The following CCDC157 variants were observed in gnomAD, a reference collection of about 807,000 sequenced individuals.
CCDC157 encodes coiled-coil domain-containing protein 157.
CCDC157 carries 60 observed loss-of-function variants against 70.9 expected under a neutral mutation model. The ratio of observed to expected loss-of-function variants is 0.85; its 90% CI spans 0.69 to 1.05. CCDC157 has a LOEUF of 1.05. CCDC157 is among the 50% of genes least tolerant of loss of function. The pLI, the probability that CCDC157 is intolerant of heterozygous loss-of-function variation, is 0.00. For missense variants in CCDC157, 943 were observed against 984.2 expected (o/e 0.96, Z 0.56); for synonymous variants, 373 against 422.4 (o/e 0.88, Z 1.43).
At chr22:30,372,002 G>A in intron 6 of CCDC157, 73 bp from the exon 7 acceptor site, 5 of 1,026,018 alleles carry the variant, frequency 4.9e-6, no homozygotes, top group Non-Finnish European at 5.7e-6. Flanking sequence ...TGGGATGTGA[G>A]CTCCCGTCCT....
chr22:30,356,645 T>G (rs1332831747), upstream of CCDC157: 1 of 1,101,978 alleles, frequency 9.1e-7, no homozygotes, highest in African/African-American at 1.6e-5. Context: ...AAGCCCTTCA[T>G]AGCGGCCGGC....
intron 2 of CCDC157, among the ~76,000 whole-genome samples, chr22:30,363,603 A>G (rs1384907922): frequency 6.6e-6 from 1 of 152,048 alleles, no homozygotes; most frequent in African/African-American, 2.4e-5. Flanking sequence ...CTAGTGTTCA[A>G]TAGATCAGTA....
intron 9 of CCDC157, chr22:30,374,477 G>A (rs537024524): frequency 2.1e-6 from 1 of 471,112 alleles, no homozygotes; most frequent in Admixed American, 2.3e-5. Flanking sequence ...TAGTCCCAAG[G>A]ACACAGCCTC....
At chr22:30,367,352 C>T (rs1311492902) in intron 3 of CCDC157, among the ~76,000 whole-genome samples, 1 of 151,890 alleles carries the variant, frequency 6.6e-6, no homozygotes, top group Non-Finnish European at 1.5e-5. Flanking sequence ...TCTCCTGCTT[C>T]AGCCTCCAAA....
intron 4 of CCDC157, 96 bp from the exon 5 acceptor site, chr22:30,370,230 G>A: frequency 1.5e-6 from 2 of 1,343,886 alleles, no homozygotes; most frequent in South Asian, 1.3e-5. Context: ...GTCAGGCAAG[G>A]CTGTCACACT....
chr22:30,356,899 G>A, upstream of CCDC157: 3 of 1,037,854 alleles, frequency 2.9e-6, no homozygotes, highest in Middle Eastern at 3.5e-4. Context: ...GATGGCGGCG[G>A]CCGAGCGAGT....
Position 30,376,418 on chromosome 22 carries a change from C to A in CCDC157, c.1947-15C>A, listed in dbSNP as rs1397029803. On this transcript the variant is annotated splice_polypyrimidine_tract_variant and intron_variant, in intron 11 of 11. Transcript: ENST00000338306. ...CCTGCATTCACAGGGGATCTTGGAT[C>A]TGGTTTTCCTTCAGGCCTCTGGGCA... is the stretch of plus-strand genomic sequence containing the variant. 1 of 1,613,838 alleles carries A rather than the reference C, an allele frequency of 6.2e-7. No homozygotes were observed. Among genetic ancestry groups the A allele is most frequent in the Non-Finnish European group, 8.5e-7 (1 of 1,179,852 alleles).
At chr22:30,357,380 C>G (rs1436414647) in intron 1 of CCDC157, among the ~76,000 whole-genome samples, 3 of 152,246 alleles carry the variant, frequency 2.0e-5, no homozygotes, top group Non-Finnish European at 4.4e-5. Context: ...AAATCCTACG[C>G]CCTTAATTCG....
chr22:30,372,454 CACTGGGGGAACAGTGACCCAGGG>C (rs1186746809), intron 7 of CCDC157, 168 bp downstream of exon 7: 7 of 979,442 alleles, frequency 7.1e-6, no homozygotes, highest in Non-Finnish European at 1.0e-5. Flanking sequence ...CTGAACCAGG[CACTGGGGGAACAGTGACCCAGGG>C]ACTGATACTG....
intron 1 of CCDC157, among the ~76,000 whole-genome samples, chr22:30,359,977 T>C (rs1932216267): frequency 6.6e-6 from 1 of 152,058 alleles, no homozygotes; most frequent in Non-Finnish European, 1.5e-5. Flanking sequence ...AGTCTCTGTC[T>C]TTACAAAAAA....
At chr22:30,371,319 C>G in intron 5 of CCDC157, 1 of 496,020 alleles carries the variant, frequency 2.0e-6, no homozygotes, top group South Asian at 2.6e-5. Flanking sequence ...GTGGCAAAAG[C>G]CATTAGAGAC....
In CCDC157 at chr22:30,373,718, T is replaced by G. The variant is rs1772586089; in HGVS notation, c.1457T>G (p.Leu486Arg). 1.3e-6 allele frequency: 2 copies of G among 1,553,382 alleles called. No homozygotes were observed. The highest frequency in any genetic ancestry group is 1.9e-5 in the Admixed American group (1 of 51,334). The change falls in exon 8 of 12, where the codon CTG becomes CGG. Residue 486 changes from leucine (L) to arginine (R), a missense_variant. Physicochemically the swap from Leu to Arg is moderately radical, Grantham distance 102. Transcript: ENST00000338306. ...EAQRARVEEQLQSEREQGQCQ... is the reference protein window; with the variant it reads ...EAQRARVEEQRQSEREQGQCQ... ...CAGCGGGCCCGCGTGGAGGAGCAGC[T>G]GCAGAGCGAGCGGGAGCAGGGGCAA...
At chr22:30,365,891 C>A in intron 2 of CCDC157, 99 bp from the exon 3 acceptor site, 2 of 1,203,516 alleles carry the variant, frequency 1.7e-6, no homozygotes, top group Non-Finnish European at 2.3e-6. Flanking sequence ...GGGTGAACTT[C>A]CGGCCTAGCA....
At chr22:30,367,654 C>G (rs972391789) in intron 3 of CCDC157, among the ~76,000 whole-genome samples, 1 of 151,032 alleles carries the variant, frequency 6.6e-6, no homozygotes, top group African/African-American at 2.4e-5. Flanking sequence ...GCCTGGGCAA[C>G]AGAGCAAGCC....
At chr22:30,373,323 G>A in intron 7 of CCDC157, 1 of 477,212 alleles carries the variant, frequency 2.1e-6, no homozygotes, top group Non-Finnish European at 3.8e-6. Context: ...AGGAAGTGGG[G>A]GTGAGACCCC....
rs138845686 is a variant in CCDC157, at chr22:30,361,616, T to C, written c.-165-345T>C. Among the ~76,000 whole-genome samples the C allele has an allele frequency of 2.2e-4, 33 of 152,338 alleles. No homozygotes were observed. In the East Asian group the frequency reaches 6.4e-3, roughly 29 times the overall value. On this transcript the variant is annotated intron_variant, in intron 1 of 11. Transcript: ENST00000338306. ...TGTGTGGCTTATAGTATATTTCTTT[T>C]GGACACTGCTGCTCTAGAAGGACAG...
chr22:30,356,765 G>C, upstream of CCDC157: 1 of 1,471,580 alleles, frequency 6.8e-7, no homozygotes, highest in Non-Finnish European at 9.0e-7. Context: ...GGCGGCGGGG[G>C]CACCGCCTGC....
At chr22:30,372,522 A>G in intron 7 of CCDC157, 1 of 485,648 alleles carries the variant, frequency 2.1e-6, no homozygotes, top group East Asian at 3.5e-5. Context: ...AGCGCCCCAC[A>G]GGCAAAGATG....
At chr22:30,373,806 C>T in intron 8 of CCDC157, 42 bp downstream of exon 8, 1 of 1,534,824 alleles carries the variant, frequency 6.5e-7, no homozygotes, top group Non-Finnish European at 8.8e-7. Context: ...AAGTCTCCGG[C>T]CAACTGAGTG....
Sources: allele counts gnomAD v4.1 joint callset (sites outside exome capture counted in the v4.1 genomes callset), GRCh38; gene constraint gnomAD v4.1.1; transcripts MANE v1.5; gene names NCBI Gene and HGNC (gene_info 2026-07-23, HGNC 2026-07-21).